Variants in GRAMD1B observed in about 807,000 individuals in gnomAD.
The protein encoded by GRAMD1B is GRAM domain containing 1B.
GRAMD1B carries 37 observed loss-of-function variants against 99.7 expected under a neutral mutation model. That is an observed-to-expected ratio of 0.37 (90% confidence interval 0.29 to 0.49). The LOEUF (loss-of-function observed/expected upper bound fraction) is 0.49. Among genes scored for constraint, GRAMD1B ranks in the 20% least tolerant of loss-of-function variants. The probability of loss-of-function intolerance (pLI) is 0.98; values close to 1 mark genes in which losing one functional copy is unlikely to be tolerated. For missense variants in GRAMD1B, 888 were observed against 1,009.2 expected, an observed-to-expected ratio of 0.88 and a Z score of 1.63; for synonymous variants, 427 against 387.6, an observed-to-expected ratio of 1.10 and a Z score of -1.19.
intron 1 of GRAMD1B, among the ~76,000 whole-genome samples, chr11:123,414,907 C>T (rs1037068578): frequency 5.9e-5 from 9 of 152,058 alleles, no homozygotes; most frequent in Non-Finnish European, 1.3e-4. Context: ...GTTTCGCCAC[C>T]CCACAACATT....
rs1419849208 is a variant in GRAMD1B at position 123,591,521 on chromosome 11, G to A, written c.685-2561G>A. ...TGCCGCTGAACACCGTTGCTGGCAC[G>A]GATCTGAGGAAATCCCAGCCGTGAG... is the stretch of plus-strand genomic sequence containing the variant. On this transcript the variant is annotated intron_variant, in intron 4 of 19. Transcript: ENST00000635736. This position sits in a 1 kb window ranked among gnomAD's most constrained non-coding sequence, Gnocchi z 4.7. The A allele has an allele frequency of 1.8e-5, 7 of 398,850 alleles. No individual in the cohort carries two copies. The highest frequency in any genetic ancestry group is 4.4e-5 in the Admixed American group (1 of 22,716). The allele number at this position is 398,850 out of a possible 1,614,324, so 24.7% of individuals were successfully genotyped here.
intron 10 of GRAMD1B, 54 bp from the exon 11 acceptor site, chr11:123,606,555 G>A: frequency 1.3e-6 from 2 of 1,493,426 alleles, no homozygotes; most frequent in Non-Finnish European, 1.8e-6. Context: ...TCCCTTTGGA[G>A]AATAGATCCA....
chr11:123,600,283 A>G (rs1481182136), intron 7 of GRAMD1B, among the ~76,000 whole-genome samples, 185 bp from the exon 8 acceptor site: 3 of 152,202 alleles, frequency 2.0e-5, no homozygotes, highest in Non-Finnish European at 4.4e-5. Context: ...TAACAGTATC[A>G]GGTACCCAGG....
chr11:123,546,465 T>C (rs959140210), intron 2 of GRAMD1B, among the ~76,000 whole-genome samples: 2 of 152,246 alleles, frequency 1.3e-5, no homozygotes, highest in African/African-American at 4.8e-5. Flanking sequence ...TCTCTCTTTC[T>C]ATTCACTACT....
chr11:123,481,109 T>C (rs1951575478), intron 2 of GRAMD1B, among the ~76,000 whole-genome samples: 1 of 152,130 alleles, frequency 6.6e-6, no homozygotes, highest in African/African-American at 2.4e-5. Context: ...TCCAGAGGCT[T>C]TTTGTGTTCA....
chr11:123,493,229 T>C lies in GRAMD1B; in HGVS notation c.452+12336T>C, dbSNP rs367656455. 1.1e-4 allele frequency among the ~76,000 whole-genome samples: 16 copies of C among 152,328 alleles called. 1 individual carries two copies. The East Asian group carries it at 1.9e-3, about 18-fold the overall frequency. ...GCAAAAACATTTCATCCTCTCTGAATGTTTCCTTTCTGAAAAATGAAGATA... is the reference window on the plus strand; with the variant it reads ...GCAAAAACATTTCATCCTCTCTGAACGTTTCCTTTCTGAAAAATGAAGATA... On this transcript the variant is annotated intron_variant, in intron 2 of 19. Transcript: ENST00000635736.
rs148667890 is a variant in GRAMD1B at position 123,517,109 on chromosome 11, G to A, written c.452+36216G>A. Among the ~76,000 whole-genome samples, 1,010 of 150,336 alleles carry A rather than the reference G, an allele frequency of 6.7e-3. 12 individuals are homozygous for A. Among genetic ancestry groups the A allele is most frequent in the African/African-American group, 0.023 (897 of 39,740 alleles). ...TAATTTTTGTGTTTTTAGTGGAGAC[G>A]GGGTTTCACCATGTTGGCCAGGCTG... is the stretch of plus-strand genomic sequence containing the variant. On this transcript the variant is annotated intron_variant, in intron 2 of 19. Coordinates refer to ENST00000635736, the MANE Select transcript of GRAMD1B (RefSeq NM_001387025.1).
At chr11:123,488,196 G>A (rs543256633) in intron 2 of GRAMD1B, among the ~76,000 whole-genome samples, 84 of 152,106 alleles carry the variant, frequency 5.5e-4, no homozygotes, top group South Asian at 1.2e-3. Context: ...CATGATTTAC[G>A]GCCCCACCTC....
In GRAMD1B at chr11:123,359,797, G is replaced by A. The variant is rs557959723; in HGVS notation, c.-176+998G>A. On this transcript the variant is annotated intron_variant, in intron 1 of 20. Coordinates refer to the GRAMD1B transcript ENST00000638157. The stretch of plus-strand genomic sequence containing the variant: ...TGTAAAAAATAATAAAATGTTTCAT[G>A]ACAGCAGCAGATGTAAAACTCCCAC... Among the ~76,000 whole-genome samples, 3 of 152,282 alleles carry A rather than the reference G, an allele frequency of 2.0e-5. No individual in the cohort carries two copies. In the South Asian group the frequency reaches 6.2e-4, roughly 32 times the overall value.
At chr11:123,393,605 A>G (rs2135869756) in intron 1 of GRAMD1B, among the ~76,000 whole-genome samples, 1 of 152,250 alleles carries the variant, frequency 6.6e-6, no homozygotes, top group East Asian at 1.9e-4. Flanking sequence ...CTGTTTGAGA[A>G]CCCTAAGAAC....
intron 2 of GRAMD1B, among the ~76,000 whole-genome samples, chr11:123,553,061 T>A (rs1041685110): frequency 4.6e-5 from 7 of 152,224 alleles, no homozygotes; most frequent in African/African-American, 7.2e-5. Flanking sequence ...CACTTGGAGA[T>A]CCTTCAAAAG....
intron 4 of GRAMD1B, among the ~76,000 whole-genome samples, chr11:123,589,972 C>T (rs1950483028): frequency 6.6e-6 from 1 of 152,180 alleles, no homozygotes; most frequent in Non-Finnish European, 1.5e-5. Flanking sequence ...TGGGAATCCA[C>T]ATCTTCCCCA....
chr11:123,517,972 A>G (rs1394326436), intron 2 of GRAMD1B, among the ~76,000 whole-genome samples: 1 of 152,106 alleles, frequency 6.6e-6, no homozygotes, highest in African/African-American at 2.4e-5. Flanking sequence ...AGTCACCCTG[A>G]ATTTCTCCTG....
intron 2 of GRAMD1B, among the ~76,000 whole-genome samples, chr11:123,535,433 C>T (rs1943868128): frequency 1.3e-5 from 2 of 152,096 alleles, no homozygotes; most frequent in South Asian, 4.2e-4. Context: ...TCTCGACCTC[C>T]ACACTCCTTG....
intron 2 of GRAMD1B, chr11:123,560,682 G>T: frequency 2.4e-6 from 1 of 418,284 alleles, no homozygotes; most frequent in South Asian, 1.6e-5. Flanking sequence ...GACGCCTGGT[G>T]CGTGTGTGTG....
Position 123,492,733 on chromosome 11 carries a change from G to A in GRAMD1B, c.452+11840G>A, listed in dbSNP as rs1423682796. On this transcript the variant is annotated intron_variant, in intron 2 of 19. Transcript: ENST00000635736. The surrounding 1 kb of genome is among the most constrained non-coding windows in gnomAD (Gnocchi z 4.2). ...CATCACTGAGAAAGATGGAATGAAT[G>A]AAGTGAGGAGAGAAAAGGAAGGAGA... Among the ~76,000 whole-genome samples the A allele has an allele frequency of 6.6e-6, 1 of 152,164 alleles. No homozygotes were observed. The highest frequency in any genetic ancestry group is 1.5e-5 in the Non-Finnish European group (1 of 68,030).
chr11:123,505,754 A>C (rs1253357506), intron 2 of GRAMD1B, among the ~76,000 whole-genome samples: 1 of 152,162 alleles, frequency 6.6e-6, no homozygotes, highest in Non-Finnish European at 1.5e-5. Flanking sequence ...GTTAACAAGC[A>C]AAAGAAAAGG....
intron 1 of GRAMD1B, among the ~76,000 whole-genome samples, chr11:123,399,566 TC>T (rs1947584976): frequency 6.6e-6 from 1 of 152,156 alleles, no homozygotes; most frequent in Non-Finnish European, 1.5e-5. Flanking sequence ...GTGCAAGAGT[TC>T]CCTTTTCTCC....
intron 7 of GRAMD1B, chr11:123,598,528 C>A: frequency 6.7e-7 from 1 of 1,501,158 alleles, no homozygotes; most frequent in East Asian, 2.3e-5. Flanking sequence ...TACTTGGTGC[C>A]CTTTGACTTG....
Sources: gnomAD v4.1 joint callset for allele counts (sites outside exome capture counted in the v4.1 genomes callset) on GRCh38, gnomAD v4.1.1 for gene constraint, Gnocchi (gnomAD v3.1) non-coding constraint, MANE v1.5 for transcripts, NCBI Gene and HGNC (gene_info 2026-07-23, HGNC 2026-07-21) for gene names.